NCALD: variants seen among roughly 807,000 people sequenced by gnomAD.
The protein encoded by NCALD is neurocalcin-delta.
NCALD carries 10 observed loss-of-function variants against 18.6 expected under a neutral mutation model. The observed-to-expected ratio is 0.54, with a 90% CI of 0.33 to 0.91. NCALD has a LOEUF of 0.91. NCALD is among the 40% of genes least tolerant of loss of function. The pLI is 0.03. For missense variants in NCALD, 184 were observed against 247.6 expected (o/e 0.74, Z 1.72); for synonymous variants, 88 against 87.4 (o/e 1.01, Z -0.04).
At chr8:102,113,883 G>A (rs1032308855) in intron 1 of NCALD, among the ~76,000 whole-genome samples, 1 of 152,224 alleles carries the variant, frequency 6.6e-6, no homozygotes, top group African/African-American at 2.4e-5. Context: ...GACAGAAATA[G>A]CACCCCAAAC....
chr8:101,960,157 G>A (rs568648803), intron 2 of NCALD, among the ~76,000 whole-genome samples: 2 of 152,002 alleles, frequency 1.3e-5, no homozygotes, highest in Admixed American at 1.3e-4. Flanking sequence ...CACATTATTC[G>A]TTTCTATTTT....
intron 4 of NCALD, among the ~76,000 whole-genome samples, chr8:101,881,844 G>T (rs1461205880): frequency 6.6e-6 from 1 of 151,940 alleles, no homozygotes; most frequent in African/African-American, 2.4e-5. Context: ...ATTTGGATGT[G>T]AGAATTATAG....
chr8:101,827,177 G>A (rs1290198228), intron 4 of NCALD, among the ~76,000 whole-genome samples: 1 of 152,116 alleles, frequency 6.6e-6, no homozygotes, highest in Non-Finnish European at 1.5e-5. Flanking sequence ...ATTGGCTTAT[G>A]GCTGCGTCAC....
chr8:101,692,022 T>A, intron 3 of NCALD: 1 of 982,070 alleles, frequency 1.0e-6, no homozygotes, highest in Non-Finnish European at 1.2e-6. Context: ...CCCGTTAACT[T>A]TGAATTTCAG....
At chr8:101,891,639 C>T (rs1259459815) in intron 3 of NCALD, among the ~76,000 whole-genome samples, 1 of 152,204 alleles carries the variant, frequency 6.6e-6, no homozygotes, top group Admixed American at 6.5e-5. Flanking sequence ...ACAGTGGGCG[C>T]AGGCCAGTGG....
At chr8:101,970,930 G>C (rs1180919843) in intron 2 of NCALD, among the ~76,000 whole-genome samples, 1 of 152,156 alleles carries the variant, frequency 6.6e-6, no homozygotes, top group Non-Finnish European at 1.5e-5. Context: ...TCTCTTATGA[G>C]TATATTAATG....
intron 1 of NCALD, among the ~76,000 whole-genome samples, chr8:101,787,269 G>A (rs527703221): frequency 6.6e-6 from 1 of 152,302 alleles, no homozygotes; most frequent in African/African-American, 2.4e-5. Flanking sequence ...CAAGTTGCTA[G>A]AGACTCAAAG....
intron 2 of NCALD, among the ~76,000 whole-genome samples, chr8:101,995,636 G>A (rs953704939): frequency 1.3e-5 from 2 of 152,100 alleles, no homozygotes; most frequent in Non-Finnish European, 2.9e-5. Context: ...CAAGAGGATG[G>A]CCAAAGCCAT....
chr8:101,944,624 T>C (rs1003793913), intron 2 of NCALD, among the ~76,000 whole-genome samples: 23 of 152,196 alleles, frequency 1.5e-4, no homozygotes, highest in African/African-American at 5.1e-4. Context: ...CCTTTTCCCA[T>C]TGGGCAGTGC....
intron 4 of NCALD, among the ~76,000 whole-genome samples, chr8:101,845,388 A>G (rs1244366103): frequency 6.6e-6 from 1 of 152,184 alleles, no homozygotes; most frequent in Non-Finnish European, 1.5e-5. Flanking sequence ...ACTTTTTATT[A>G]TACTTAATTG....
intron 1 of NCALD, among the ~76,000 whole-genome samples, chr8:101,765,739 C>T (rs1441440926): frequency 6.6e-6 from 1 of 152,116 alleles, no homozygotes; most frequent in African/African-American, 2.4e-5. Context: ...AAGGAAACTC[C>T]CTCGTTAAGC....
chr8:101,689,324 A>G lies in NCALD; in HGVS notation c.567T>C (p.Ser189=). ...IVRLLQCDPS[S]AGQF ...GGCGCAGGGCTCAGAACTGGCCGGC[A>G]CTGCTCGGGTCGCACTGCAGGAGGC... Residue 189 remains serine, a synonymous_variant, in exon 4 of 4, where the codon AGT becomes AGC. Coordinates refer to ENST00000220931, the MANE Select transcript of NCALD (RefSeq NM_032041.3). This position sits in a 1 kb window ranked among gnomAD's most constrained non-coding sequence, Gnocchi z 4.4. 1 of 1,613,896 alleles carries G rather than the reference A, an allele frequency of 6.2e-7. No homozygotes were observed. Among genetic ancestry groups the G allele is most frequent in the South Asian group, 1.1e-5 (1 of 90,964 alleles).
rs372903829 is a variant in NCALD, at chr8:101,929,228, A to AAGGAGG, written c.-156-13376_-156-13371dup. 8.2e-3 allele frequency among the ~76,000 whole-genome samples: 892 copies of AAGGAGG among 108,746 alleles called. 49 individuals are homozygous for AAGGAGG. The highest frequency in any genetic ancestry group is 0.035 in the African/African-American group (825 of 23,728). 71.3% of individuals were successfully genotyped at this position (108,746 alleles called of 152,430 possible). ...GTTCTAGCCCCTAAAGAAGGGGAAG[A>AAGGAGG]AGGAGGAGGAGGAGGAGGAGGAGGA... On this transcript the variant is annotated intron_variant, in intron 2 of 6. Transcript: ENST00000311028.
chr8:102,013,953 TA>T (rs933327573), intron 2 of NCALD, among the ~76,000 whole-genome samples: 2 of 152,144 alleles, frequency 1.3e-5, no homozygotes, highest in Non-Finnish European at 2.9e-5. Context: ...TCAGGAAGAT[TA>T]AAAAGTTGAG....
intron 2 of NCALD, among the ~76,000 whole-genome samples, chr8:101,927,334 G>A (rs1203715246): frequency 6.6e-6 from 1 of 152,170 alleles, no homozygotes; most frequent in Non-Finnish European, 1.5e-5. Context: ...CTAGATGGGG[G>A]GACGGATGGA....
At chr8:102,070,796 G>A (rs183268717) in intron 1 of NCALD, among the ~76,000 whole-genome samples, 6 of 152,298 alleles carry the variant, frequency 3.9e-5, no homozygotes, top group South Asian at 2.1e-4. Flanking sequence ...ACAGTCCCAT[G>A]TGTCTTCAAA....
intron 1 of NCALD, among the ~76,000 whole-genome samples, chr8:101,770,416 T>C (rs1005431654): frequency 1.2e-4 from 18 of 152,320 alleles, no homozygotes; most frequent in Admixed American, 7.8e-4. Context: ...TCTGGATTTT[T>C]CCCCATTATC....
chr8:101,745,091 G>C (rs1810373028), intron 1 of NCALD, among the ~76,000 whole-genome samples: 1 of 151,792 alleles, frequency 6.6e-6, no homozygotes, highest in Non-Finnish European at 1.5e-5. Context: ...TGATAAAGCA[G>C]TAAAAATTAA....
intron 1 of NCALD, among the ~76,000 whole-genome samples, chr8:102,073,680 G>C (rs966511585): frequency 1.3e-5 from 2 of 152,152 alleles, no homozygotes; most frequent in Admixed American, 1.3e-4. Context: ...CTCCTAAAAG[G>C]AGTGTACAAA....
Sources: allele counts gnomAD v4.1 joint callset (sites outside exome capture counted in the v4.1 genomes callset), GRCh38; gene constraint gnomAD v4.1.1; non-coding constraint Gnocchi (gnomAD v3.1); transcripts MANE v1.5; gene names NCBI Gene and HGNC (gene_info 2026-07-23, HGNC 2026-07-21).